DMD: variants seen among roughly 807,000 people sequenced by gnomAD.
DMD encodes the protein dystrophin.
DMD carries 63 observed loss-of-function variants against 330.1 expected under a neutral mutation model. That is an observed-to-expected ratio of 0.19 (90% CI 0.16 to 0.24). The LOEUF (loss-of-function observed/expected upper bound fraction) is 0.24. Ranked by LOEUF, DMD falls within the 10% of genes least tolerant of loss-of-function variation. The pLI, the probability that DMD is intolerant of heterozygous loss-of-function variation, is 1.00. For synonymous variants in DMD, 1,223 were observed against 959.8 expected (o/e 1.27, Z -5.07); for missense variants, 3,344 against 2,684.1 (o/e 1.25, Z -5.43).
intron 1 of DMD, among the ~76,000 whole-genome samples, chrX:33,073,309 CTA>C (rs1175400759): frequency 9.0e-6 from 1 of 111,652 alleles, no homozygotes; most frequent in African/African-American, 3.3e-5. Flanking sequence ...ATATTGCCTG[CTA>C]TATATCACAA....
intron 7 of DMD, among the ~76,000 whole-genome samples, chrX:32,729,127 C>CA (rs1266829343): frequency 8.9e-6 from 1 of 112,017 alleles, no homozygotes; most frequent in African/African-American, 3.2e-5. Context: ...TGAAATGCTA[C>CA]AAAATCTGTA....
chrX:31,612,789 GGT>G (rs2077997307), intron 55 of DMD, among the ~76,000 whole-genome samples: 1 of 112,076 alleles, frequency 8.9e-6, no homozygotes, highest in Middle Eastern at 4.2e-3. Flanking sequence ...CTATTCGAGA[GGT>G]ATTTATCGTG....
chrX:31,169,370 T>C, intron 74 of DMD, 73 bp downstream of exon 74: 1 of 796,999 alleles, frequency 1.3e-6, no homozygotes. Flanking sequence ...TAAGTGAAGA[T>C]TCCTGGCACT....
At chrX:32,678,499 CGTGTGTGTGTGT>C (rs760244852) in intron 9 of DMD, among the ~76,000 whole-genome samples, 1 of 106,064 alleles carries the variant, frequency 9.4e-6, no homozygotes, top group Non-Finnish European at 2.0e-5. Context: ...TTTGCGTGTC[CGTGTGTGTGTGT>C]GTGTGTGTGT....
intron 50 of DMD, among the ~76,000 whole-genome samples, chrX:31,791,866 T>A (rs993827532): frequency 4.5e-5 from 5 of 112,064 alleles, no homozygotes; most frequent in African/African-American, 1.3e-4. Flanking sequence ...TTATTTGCTA[T>A]CTCAATTGTA....
chrX:31,837,090 A>G, intron 48 of DMD, among the ~76,000 whole-genome samples: 1 of 112,282 alleles, frequency 8.9e-6, no homozygotes, highest in Non-Finnish European at 1.9e-5. Flanking sequence ...AGTAAAATGC[A>G]ATAATGACAA....
intron 44 of DMD, among the ~76,000 whole-genome samples, chrX:32,014,998 G>T (rs184710083): frequency 1.8e-5 from 2 of 111,927 alleles, no homozygotes; most frequent in East Asian, 5.6e-4. Context: ...ATTTGCCTAA[G>T]ATCTTAACAT....
chrX:31,800,884 G>A, intron 50 of DMD, among the ~76,000 whole-genome samples: 1 of 111,379 alleles, frequency 9.0e-6, no homozygotes, highest in East Asian at 2.9e-4. Context: ...CCTCAGCCTG[G>A]ACTTCATCGT....
intron 1 of DMD, among the ~76,000 whole-genome samples, chrX:33,042,528 G>C (rs1458418773): frequency 1.8e-5 from 2 of 111,523 alleles, no homozygotes; most frequent in Admixed American, 1.9e-4. Context: ...AAATGTTCAG[G>C]AAAGAAAAAA....
At chrX:31,716,505 C>T (rs1169810814) in intron 52 of DMD, among the ~76,000 whole-genome samples, 1 of 111,240 alleles carries the variant, frequency 9.0e-6, no homozygotes, top group Non-Finnish European at 1.9e-5. Context: ...GAGCCAAGAT[C>T]GCACCATTGC....
chrX:31,640,457 G>A (rs1042434920), intron 54 of DMD, among the ~76,000 whole-genome samples: 2 of 112,258 alleles, frequency 1.8e-5, no homozygotes, highest in African/African-American at 3.2e-5. Context: ...TTATAACTGC[G>A]CAAAGTTTAA....
intron 1 of DMD, among the ~76,000 whole-genome samples, chrX:33,041,173 T>C (rs2094293005): frequency 8.8e-6 from 1 of 113,443 alleles, no homozygotes; most frequent in Non-Finnish European, 1.9e-5. Flanking sequence ...ATACTACAGA[T>C]GTTAATATTG....
intron 56 of DMD, among the ~76,000 whole-genome samples, chrX:31,500,131 G>C (rs968991796): frequency 2.7e-5 from 3 of 112,236 alleles, no homozygotes; most frequent in African/African-American, 9.7e-5. Context: ...AGAGAACACT[G>C]AGTAAGAACT....
chrX:32,419,561 T>C (rs1292581873), intron 29 of DMD, among the ~76,000 whole-genome samples: 1 of 112,414 alleles, frequency 8.9e-6, no homozygotes, highest in African/African-American at 3.2e-5. Flanking sequence ...ATCCTTTAAA[T>C]ATAAAATAAA....
chrX:33,093,122 G>A (rs1021358641), intron 1 of DMD, among the ~76,000 whole-genome samples: 2 of 111,546 alleles, frequency 1.8e-5, no homozygotes, highest in African/African-American at 3.3e-5. Flanking sequence ...TGATCCACCC[G>A]CCTCGGCCTC....
chrX:31,190,477 C>T (rs2042207032), intron 67 of DMD, among the ~76,000 whole-genome samples: 1 of 106,961 alleles, frequency 9.3e-6, no homozygotes, highest in African/African-American at 3.4e-5. Context: ...AGGCATGTAA[C>T]CATGAACCCT....
intron 51 of DMD, among the ~76,000 whole-genome samples, chrX:31,772,186 T>C (rs1168618070): frequency 3.6e-5 from 4 of 112,447 alleles, no homozygotes; most frequent in Admixed American, 9.4e-5. Flanking sequence ...CAGTAAGCAG[T>C]AAGCAAGGCA....
At chrX:31,607,285 T>C (rs1272445134) in intron 55 of DMD, among the ~76,000 whole-genome samples, 2 of 111,970 alleles carry the variant, frequency 1.8e-5, no homozygotes, top group African/African-American at 6.5e-5. Context: ...TAGACCTCAG[T>C]AGAGGTATGT....
intron 45 of DMD, among the ~76,000 whole-genome samples, chrX:31,963,290 T>C (rs1380928464): frequency 8.9e-6 from 1 of 112,018 alleles, no homozygotes; most frequent in East Asian, 2.8e-4. Flanking sequence ...ATTATCTTAT[T>C]TACACCATTA....
Sources: gnomAD v4.1 joint callset for allele counts (sites outside exome capture counted in the v4.1 genomes callset) on GRCh38, gnomAD v4.1.1 for gene constraint, MANE v1.5 for transcripts, NCBI Gene and HGNC (gene_info 2026-07-23, HGNC 2026-07-21) for gene names.